Variants in TBXAS1 observed in about 807,000 individuals in gnomAD.
TBXAS1 encodes thromboxane A synthase 1, also known as thromboxane-A synthase.
TBXAS1 carries 48 observed loss-of-function variants against 60.7 expected under a neutral mutation model. That is an observed-to-expected ratio of 0.79 (90% CI 0.63 to 1.01). The LOEUF (loss-of-function observed/expected upper bound fraction) is 1.01. Among genes scored for constraint, TBXAS1 ranks in the 50% least tolerant of loss-of-function variants. TBXAS1 has a pLI of 0.00. For missense variants in TBXAS1, 685 were observed against 686.3 expected (o/e 1.00, Z 0.02); for synonymous variants, 287 against 269.7 (o/e 1.06, Z -0.63).
chr7:139,804,286 T>C (rs1224908151), intron 4 of TBXAS1, among the ~76,000 whole-genome samples: 1 of 152,230 alleles, frequency 6.6e-6, no homozygotes, highest in Non-Finnish European at 1.5e-5. Context: ...GGATGGGGCC[T>C]GTAGCTCCTT....
At chr7:139,917,962 C>T (rs559282915) in intron 4 of TBXAS1, among the ~76,000 whole-genome samples, 1 of 152,290 alleles carries the variant, frequency 6.6e-6, no homozygotes, top group South Asian at 2.1e-4. Flanking sequence ...ACAATTTAGG[C>T]ATGAGAATAG....
chr7:139,856,145 T>A (rs1358476175), intron 1 of TBXAS1, among the ~76,000 whole-genome samples: 1 of 152,178 alleles, frequency 6.6e-6, no homozygotes, highest in African/African-American at 2.4e-5. Flanking sequence ...GAGATCACAA[T>A]TATCGGGGAG....
At chr7:140,006,897 G>A (rs1569524498) in intron 9 of TBXAS1, among the ~76,000 whole-genome samples, 194 bp from the exon 10 acceptor site, 1 of 152,164 alleles carries the variant, frequency 6.6e-6, no homozygotes. Context: ...GGCTAGCACC[G>A]TGAAATATAA....
chr7:139,963,057 C>A (rs151174876), intron 9 of TBXAS1: 1 of 152,166 alleles, frequency 6.6e-6, no homozygotes, highest in Non-Finnish European at 1.5e-5. Flanking sequence ...AACCACTTCC[C>A]GGGAAATTCT....
chr7:139,821,193 A>G (rs1232154179), intron 4 of TBXAS1, among the ~76,000 whole-genome samples: 1 of 152,216 alleles, frequency 6.6e-6, no homozygotes, highest in Non-Finnish European at 1.5e-5. Flanking sequence ...GGAGGAAGGT[A>G]CAATTTACTG....
At chr7:139,957,964 CG>C (rs1262364355) in intron 8 of TBXAS1, among the ~76,000 whole-genome samples, 200 bp downstream of exon 8, 1 of 152,028 alleles carries the variant, frequency 6.6e-6, no homozygotes, top group African/African-American at 2.4e-5. Flanking sequence ...GAGGGTGGGA[CG>C]GCAGAGAGAA....
chr7:140,019,267 G>A (rs1408660240), intron 12 of TBXAS1, among the ~76,000 whole-genome samples: 1 of 152,170 alleles, frequency 6.6e-6, no homozygotes, highest in East Asian at 1.9e-4. Context: ...GGGGCAGATC[G>A]GCAGAGCAGA....
At chr7:139,952,923 A>C (rs1205494852) in intron 5 of TBXAS1, among the ~76,000 whole-genome samples, 1 of 152,244 alleles carries the variant, frequency 6.6e-6, no homozygotes, top group African/African-American at 2.4e-5. Context: ...ACTAAGATTC[A>C]ATATTCTAGT....
intron 4 of TBXAS1, among the ~76,000 whole-genome samples, chr7:139,918,587 G>C (rs1806185081): frequency 6.6e-6 from 1 of 152,132 alleles, no homozygotes; most frequent in South Asian, 2.1e-4. Flanking sequence ...GCTCAGGAGG[G>C]GCCCTCACTG....
At chr7:139,920,866 G>A (rs1427551009) in intron 4 of TBXAS1, among the ~76,000 whole-genome samples, 1 of 152,158 alleles carries the variant, frequency 6.6e-6, no homozygotes, top group Non-Finnish European at 1.5e-5. Context: ...TGTTCCTGAC[G>A]ATGATACCCC....
chr7:139,818,506 C>T (rs1798211046), intron 4 of TBXAS1, among the ~76,000 whole-genome samples: 1 of 152,138 alleles, frequency 6.6e-6, no homozygotes, highest in African/African-American at 2.4e-5. Context: ...CCACCACGCC[C>T]AGCCTCCCTC....
intron 3 of TBXAS1, among the ~76,000 whole-genome samples, chr7:139,891,237 A>C (rs1245712892): frequency 1.3e-5 from 2 of 149,666 alleles, no homozygotes; most frequent in Non-Finnish European, 3.0e-5. Flanking sequence ...TATGATTATA[A>C]TATATATATA....
intron 1 of TBXAS1, among the ~76,000 whole-genome samples, chr7:139,845,724 T>A (rs1235954550): frequency 6.6e-6 from 1 of 152,134 alleles, no homozygotes; most frequent in Non-Finnish European, 1.5e-5. Context: ...GCTATGGGTA[T>A]CATCATAGAG....
chr7:139,824,923 G>A (rs981931058), upstream of TBXAS1, among the ~76,000 whole-genome samples: 3 of 148,592 alleles, frequency 2.0e-5, no homozygotes, highest in African/African-American at 7.5e-5. Context: ...TCTGCCTCCT[G>A]GGTTCAAATG....
chr7:139,957,791 T>C (rs777627421), intron 8 of TBXAS1, 27 bp downstream of exon 8: 17 of 1,613,664 alleles, frequency 1.1e-5, no homozygotes, highest in Middle Eastern at 1.6e-4. Context: ...GGACACAGCC[T>C]TGAAATGGAA....
intron 3 of TBXAS1, among the ~76,000 whole-genome samples, chr7:139,880,335 G>A (rs768926206): frequency 5.9e-5 from 9 of 152,048 alleles, no homozygotes; most frequent in African/African-American, 9.7e-5. Flanking sequence ...CAGCTATGCC[G>A]CTCCATTTTG....
intron 5 of TBXAS1, among the ~76,000 whole-genome samples, chr7:139,937,585 CAG>C (rs1569516009): frequency 6.6e-6 from 1 of 152,270 alleles, no homozygotes; most frequent in East Asian, 1.9e-4. Context: ...TCACACAGCT[CAG>C]AGTCAGGTAC....
intron 3 of TBXAS1, among the ~76,000 whole-genome samples, chr7:139,893,399 CTGGGCATAACGTG>C (rs1250064290): frequency 6.7e-6 from 1 of 150,142 alleles, no homozygotes; most frequent in African/African-American, 2.5e-5. Context: ...ATATACATGC[CTGGGCATAACGTG>C]TGGGCAAAAA....
chr7:139,924,486 T>C (rs571802206), intron 4 of TBXAS1, among the ~76,000 whole-genome samples: 28 of 152,240 alleles, frequency 1.8e-4, no homozygotes, highest in Admixed American at 1.5e-3. Flanking sequence ...CTTTTGCATG[T>C]TTTTTTAATA....
Sources: allele counts gnomAD v4.1 joint callset (sites outside exome capture counted in the v4.1 genomes callset), GRCh38; gene constraint gnomAD v4.1.1; transcripts MANE v1.5; gene names NCBI Gene and HGNC (gene_info 2026-07-23, HGNC 2026-07-21).